The following BRI3BP variants were observed in gnomAD, a reference collection of about 807,000 sequenced individuals.
BRI3BP encodes BRI3-binding protein.
A neutral mutation model predicts 15.8 loss-of-function variants in BRI3BP; 7 were observed. The observed-to-expected ratio is 0.44, with a 90% confidence interval of 0.25 to 0.83. BRI3BP has a LOEUF of 0.83. Ranked by LOEUF, BRI3BP falls within the 40% of genes least tolerant of loss-of-function variation. The probability of loss-of-function intolerance (pLI) is 0.20; values close to 1 mark genes in which losing one functional copy is unlikely to be tolerated. For missense variants in BRI3BP, 320 were observed against 339.3 expected (o/e 0.94, Z 0.45); for synonymous variants, 192 against 163.5 (o/e 1.17, Z -1.33).
At chr12:125,035,934 A>G (rs1421755118), downstream of BRI3BP, among the ~76,000 whole-genome samples, 1 of 152,178 alleles carries the variant, frequency 6.6e-6, no homozygotes, top group Non-Finnish European at 1.5e-5. Context: ...GATAACATGC[A>G]TATATCCAAA....
At chr12:124,996,602 A>T (rs1217833385) in intron 1 of BRI3BP, among the ~76,000 whole-genome samples, 1 of 152,146 alleles carries the variant, frequency 6.6e-6, no homozygotes, top group Non-Finnish European at 1.5e-5. Flanking sequence ...CTGGGATTAC[A>T]GGCGTAAGCC....
intron 2 of BRI3BP, among the ~76,000 whole-genome samples, chr12:125,020,231 C>T (rs1160592797): frequency 1.3e-5 from 2 of 152,158 alleles, no homozygotes; most frequent in African/African-American, 4.8e-5. Context: ...CAGGCATGAG[C>T]CACCGTGCCC....
Position 125,025,749 on chromosome 12 carries a change from G to T in BRI3BP, c.*319G>T. On this transcript the variant is annotated 3_prime_UTR_variant, in exon 3 of 3. Transcript: ENST00000341446. ...TAGAGCATAAAGTTAATTTTTTCAA[G>T]CATTTAAATACATCTTTTGTAAGGT... is the stretch of plus-strand genomic sequence containing the variant. 2.7e-5 allele frequency: 6 copies of T among 219,210 alleles called. No individual in the cohort carries two copies. Among genetic ancestry groups the T allele is most frequent in the Non-Finnish European group, 3.6e-5 (4 of 112,252 alleles). 13.6% of individuals were successfully genotyped at this position (219,210 alleles called of 1,614,324 possible).
rs1046749889 is a variant in BRI3BP, at chr12:124,993,686, G to C, written c.-105G>C. 10 of 622,672 alleles carry C rather than the reference G, an allele frequency of 1.6e-5. No individual in the cohort carries two copies. The highest frequency in any genetic ancestry group is 1.8e-5 in the Non-Finnish European group (9 of 501,066). 38.6% of individuals were successfully genotyped at this position (622,672 alleles called of 1,614,324 possible). Reference sequence around the variant, plus strand: ...CGGCGGCGGCTGTGGGTAAAGGCGCGGCGCGCGGCCCCCGAGCGCGCCAAC... The same window carrying C: ...CGGCGGCGGCTGTGGGTAAAGGCGCCGCGCGCGGCCCCCGAGCGCGCCAAC... On this transcript the variant is annotated 5_prime_UTR_variant, in exon 1 of 3. Transcript: ENST00000341446.
intron 1 of BRI3BP, among the ~76,000 whole-genome samples, chr12:125,002,464 T>TG (rs1446933417): frequency 1.3e-5 from 2 of 150,568 alleles, no homozygotes; most frequent in African/African-American, 4.9e-5. Context: ...TTGTTTTGTT[T>TG]TTTTTTTTTT....
At chr12:125,039,915 C>T in the BRI3BP span, among the ~76,000 whole-genome samples, 3 of 152,146 alleles carry the variant, frequency 2.0e-5, no homozygotes, top group South Asian at 2.1e-4. Context: ...GCTGCAAAAG[C>T]GGAGATGAGG....
chr12:125,023,107 G>A (rs1306320131), intron 2 of BRI3BP, among the ~76,000 whole-genome samples: 3 of 152,190 alleles, frequency 2.0e-5, no homozygotes, highest in African/African-American at 4.8e-5. Context: ...ATGGAACTTC[G>A]TGTGTGGGTA....
At position 125,026,364 on chromosome 12, in the gene BRI3BP, C is replaced by T. The variant is rs1473239226; in HGVS notation, c.*934C>T. On this transcript the variant is annotated 3_prime_UTR_variant, in exon 3 of 3. Coordinates refer to ENST00000341446, the MANE Select transcript of BRI3BP (RefSeq NM_080626.6). Reference sequence around the variant, plus strand: ...TTTCCTCAGGACCTTAGAGGGAAAACAAACAGTAGCAGCTAATATTCTCAA... The same window carrying T: ...TTTCCTCAGGACCTTAGAGGGAAAATAAACAGTAGCAGCTAATATTCTCAA... The T allele has an allele frequency of 6.7e-6, 1 of 150,130 alleles. No homozygotes were observed. Among genetic ancestry groups the T allele is most frequent in the Non-Finnish European group, 1.5e-5 (1 of 67,706 alleles). 9.3% of individuals were successfully genotyped at this position (150,130 alleles called of 1,614,324 possible).
At chr12:125,018,650 C>T (rs1955267606) in intron 2 of BRI3BP, among the ~76,000 whole-genome samples, 1 of 151,676 alleles carries the variant, frequency 6.6e-6, no homozygotes, top group Admixed American at 6.6e-5. Context: ...TCCAAACAAA[C>T]TGAGAGAATA....
chr12:125,008,910 A>G (rs11612722), intron 1 of BRI3BP, among the ~76,000 whole-genome samples: 19,465 of 151,882 alleles, frequency 0.13, 1,656 homozygotes, highest in South Asian at 0.32. Context: ...AGGCATTAGG[A>G]TCTCACAAGG....
rs1480850970 is a variant in BRI3BP at position 125,016,734 on chromosome 12, G to T, written c.316+4098G>T. ...GTAGAGACAGGGTTTCACTATGTTGGCCAGGCTGGTCTTGAGCTCCTGACC... is the reference window on the plus strand; with the variant it reads ...GTAGAGACAGGGTTTCACTATGTTGTCCAGGCTGGTCTTGAGCTCCTGACC... On this transcript the variant is annotated intron_variant, in intron 2 of 2. Coordinates refer to ENST00000341446, the MANE Select transcript of BRI3BP (RefSeq NM_080626.6). Among the ~76,000 whole-genome samples the T allele has an allele frequency of 2.0e-5, 3 of 150,992 alleles. No individual in the cohort carries two copies. The East Asian group carries it at 5.8e-4, about 29-fold the overall frequency.
chr12:125,004,895 G>T (rs529302170), intron 1 of BRI3BP, among the ~76,000 whole-genome samples: 1 of 152,190 alleles, frequency 6.6e-6, no homozygotes, highest in South Asian at 2.1e-4. Flanking sequence ...ACGCAGGCTG[G>T]AGTGAAGTGG....
chr12:125,044,319 G>A, the BRI3BP span, among the ~76,000 whole-genome samples: 1 of 151,694 alleles, frequency 6.6e-6, no homozygotes, highest in Admixed American at 6.6e-5. Flanking sequence ...TGCTAGCTAA[G>A]TTTTATATTT....
chr12:125,048,505 A>G, the BRI3BP span, among the ~76,000 whole-genome samples: 6 of 151,614 alleles, frequency 4.0e-5, no homozygotes, highest in South Asian at 2.1e-4. Flanking sequence ...AACAATGAGA[A>G]CACATGGACA....
rs753587269 is a variant in BRI3BP, at chr12:125,025,253, C to A, written c.579C>A (p.Ala193=). The A allele has an allele frequency of 1.9e-6, 3 of 1,614,120 alleles. No individual in the cohort carries two copies. The part of the protein sequence containing the change: ...NAVLPLCFVV[A]VYFMTGPMGF... ...TGCTGCCGCTGTGCTTCGTGGTGGC[C>A]GTCTACTTCATGACCGGGCCCATGG... is the stretch of plus-strand genomic sequence containing the variant. Residue 193 remains alanine (A), a synonymous_variant, in exon 3 of 3, where the codon GCC becomes GCA. Transcript: ENST00000341446.
At chr12:125,047,423 T>G in the BRI3BP span, among the ~76,000 whole-genome samples, 1 of 152,168 alleles carries the variant, frequency 6.6e-6, no homozygotes, top group Admixed American at 6.5e-5. Flanking sequence ...TCCACCCGCC[T>G]CCGCCTCCCA....
chr12:125,019,638 T>TA, intron 2 of BRI3BP, among the ~76,000 whole-genome samples: 1 of 47,892 alleles, frequency 2.1e-5, no homozygotes, highest in African/African-American at 5.2e-5. Context: ...TTCCACCCTT[T>TA]TTTTTTTTTT....
At chr12:125,001,258 G>A (rs1565901908) in intron 1 of BRI3BP, among the ~76,000 whole-genome samples, 2 of 151,926 alleles carry the variant, frequency 1.3e-5, no homozygotes, top group South Asian at 2.1e-4. Flanking sequence ...GGGTTTCACC[G>A]TGTTAGCCAG....
At chr12:125,004,252 C>T (rs774912733) in intron 1 of BRI3BP, among the ~76,000 whole-genome samples, 1 of 152,288 alleles carries the variant, frequency 6.6e-6, no homozygotes, top group South Asian at 2.1e-4. Context: ...AGCTCACTTG[C>T]AGCTTCAACC....
Sources: allele counts gnomAD v4.1 joint callset (sites outside exome capture counted in the v4.1 genomes callset), GRCh38; gene constraint gnomAD v4.1.1; transcripts MANE v1.5; gene names NCBI Gene and HGNC (gene_info 2026-07-23, HGNC 2026-07-21).